The following DLC1 variants were observed in gnomAD, a reference collection of about 807,000 sequenced individuals.
DLC1 encodes the protein rho GTPase-activating protein 7.
In DLC1, 54 loss-of-function variants were observed where a neutral mutation model predicts 140.3. The ratio of observed to expected loss-of-function variants is 0.38; its 90% CI spans 0.31 to 0.48. The LOEUF (loss-of-function observed/expected upper bound fraction) is 0.48, where lower values mean the gene tolerates loss of function less well. Ranked by LOEUF, DLC1 falls within the 20% of genes least tolerant of loss-of-function variation. The pLI, the probability that DLC1 is intolerant of heterozygous loss-of-function variation, is 0.96. For missense variants in DLC1, 2,536 were observed against 1,907.0 expected (o/e 1.33, Z -6.14); for synonymous variants, 986 against 728.1 (o/e 1.35, Z -5.70).
At chr8:13,211,423 C>G (rs1365962392) in intron 5 of DLC1, among the ~76,000 whole-genome samples, 1 of 152,108 alleles carries the variant, frequency 6.6e-6, no homozygotes, top group African/African-American at 2.4e-5. Flanking sequence ...TACACTGTTG[C>G]TCTAATGAAC....
intron 4 of DLC1, chr8:13,340,623 GCTC>G (rs1345990548): frequency 1.4e-4 from 21 of 152,098 alleles, no homozygotes; most frequent in African/African-American, 5.1e-4. Flanking sequence ...GTAAATTTCT[GCTC>G]CTAATTTCCT....
At chr8:13,360,258 C>T (rs192370360) in intron 4 of DLC1, among the ~76,000 whole-genome samples, 49 of 152,276 alleles carry the variant, frequency 3.2e-4, no homozygotes, top group South Asian at 6.2e-4. Flanking sequence ...CTACACAGAA[C>T]GAACACTCAA....
rs1476568500 is a variant in DLC1 at position 13,505,058 on chromosome 8, A to G, written c.-125-4862T>C. 2.6e-5 allele frequency among the ~76,000 whole-genome samples: 4 copies of G among 152,212 alleles called. 1 individual carries two copies. The South Asian group carries it at 6.2e-4, about 24-fold the overall frequency. ...AATAAAGTCAAGCAATTTGGATGGA[A>G]GAATTATTAATAGTTATAGAGAACA... On this transcript the variant is annotated intron_variant, in intron 1 of 17. Coordinates refer to ENST00000276297, the MANE Select transcript of DLC1 (RefSeq NM_182643.3).
Position 13,393,611 on chromosome 8 carries a change from G to A in DLC1, c.1256C>T (p.Ser419Phe), listed in dbSNP as rs779777760. Residue 419 changes from serine (S) to phenylalanine (F), a missense_variant, in exon 4 of 18, where the codon TCC (serine) becomes TTC (phenylalanine). Physicochemically the swap from Ser to Phe is radical, Grantham distance 155. Transcript: ENST00000276297. ...TRVNLSSDTE[S>F]TDLPSSTPVA... ...TGGAGTGGAAGATGGGAGGTCCGTG[G>A]ACTCAGTGTCAGAAGACAAATTTAC... 1 of 1,614,154 alleles carries A rather than the reference G, an allele frequency of 6.2e-7. No individual in the cohort carries two copies. The highest frequency in any genetic ancestry group is 1.1e-5 in the South Asian group (1 of 91,074).
At chr8:13,158,733 TCCCCCCCCC>T (rs71207127) in intron 5 of DLC1, among the ~76,000 whole-genome samples, 1 of 58,984 alleles carries the variant, frequency 1.7e-5, no homozygotes, top group Admixed American at 2.0e-4. Context: ...ACCACCACCC[TCCCCCCCCC>T]CCCCCGCCCG....
At chr8:13,444,301 G>C (rs1028859910) in intron 2 of DLC1, among the ~76,000 whole-genome samples, 2 of 152,170 alleles carry the variant, frequency 1.3e-5, no homozygotes, top group African/African-American at 2.4e-5. Flanking sequence ...GGCCTGACCG[G>C]TGGTGCGGGT....
intron 1 of DLC1, among the ~76,000 whole-genome samples, chr8:13,595,378 GA>G (rs1480244540): frequency 6.6e-6 from 1 of 151,984 alleles, no homozygotes; most frequent in Non-Finnish European, 1.5e-5. Context: ...ATCTTTGCAT[GA>G]TGGAAATAAT....
At chr8:13,529,844 T>A (rs570379618) in intron 1 of DLC1, among the ~76,000 whole-genome samples, 156 of 152,284 alleles carry the variant, frequency 1.0e-3, no homozygotes, top group African/African-American at 3.7e-3. Context: ...AACAATATAT[T>A]TTTTTTCTAT....
At chr8:13,301,732 G>C (rs2117505602) in intron 5 of DLC1, among the ~76,000 whole-genome samples, 1 of 152,302 alleles carries the variant, frequency 6.6e-6, no homozygotes, top group African/African-American at 2.4e-5. Context: ...GCAGGAGATG[G>C]GCGGTGGGCA....
rs887492933 is a variant in DLC1 at position 13,155,808 on chromosome 8, G to T, written c.1349-40151C>A. On this transcript the variant is annotated intron_variant, in intron 5 of 17. Transcript: ENST00000276297. Reference sequence around the variant, plus strand: ...TAAAAGAACTCAGAGCTGTAGGTTGGTAGTAACTTTAACTGAATATATTCG... The same window carrying T: ...TAAAAGAACTCAGAGCTGTAGGTTGTTAGTAACTTTAACTGAATATATTCG... Among the ~76,000 whole-genome samples the T allele has an allele frequency of 2.0e-5, 3 of 152,134 alleles. No homozygotes were observed. In the South Asian group the frequency reaches 6.2e-4, roughly 31 times the overall value.
intron 1 of DLC1, among the ~76,000 whole-genome samples, chr8:13,535,570 C>T (rs1374424484): frequency 6.6e-6 from 1 of 150,610 alleles, no homozygotes; most frequent in Non-Finnish European, 1.5e-5. Flanking sequence ...ATAAAGTGAG[C>T]CTCAGGGACA....
chr8:13,306,881 C>G (rs938466622), intron 4 of DLC1, among the ~76,000 whole-genome samples: 2 of 151,414 alleles, frequency 1.3e-5, no homozygotes, highest in Admixed American at 1.3e-4. Flanking sequence ...GTCAGGAGAT[C>G]GAGACCAGCC....
chr8:13,243,622 T>C (rs1238644746), intron 5 of DLC1, among the ~76,000 whole-genome samples: 1 of 152,222 alleles, frequency 6.6e-6, no homozygotes, highest in Admixed American at 6.5e-5. Context: ...TTCTTCTTTT[T>C]TTCTAGATCT....
chr8:13,126,661 G>C (rs1821599358), intron 5 of DLC1, among the ~76,000 whole-genome samples: 1 of 151,876 alleles, frequency 6.6e-6, no homozygotes. Flanking sequence ...TATTATTCAA[G>C]GCAAAATATC....
intron 1 of DLC1, among the ~76,000 whole-genome samples, chr8:13,536,320 G>A (rs1056992051): frequency 1.3e-5 from 2 of 152,150 alleles, no homozygotes; most frequent in African/African-American, 2.4e-5. Context: ...AAAGGGAGTG[G>A]GGAAATCTAA....
intron 1 of DLC1, among the ~76,000 whole-genome samples, chr8:13,601,393 A>C (rs892042550): frequency 2.0e-5 from 3 of 151,822 alleles, no homozygotes; most frequent in Admixed American, 2.0e-4. Context: ...CTCATAAATA[A>C]TAGAACTTCT....
intron 4 of DLC1, among the ~76,000 whole-genome samples, chr8:13,347,121 C>T (rs1039622962): frequency 2.0e-5 from 3 of 152,148 alleles, no homozygotes; most frequent in African/African-American, 7.2e-5. Context: ...TTGGTACTAT[C>T]CGTAGTTTCA....
chr8:13,360,845 T>C (rs2049721), intron 4 of DLC1, among the ~76,000 whole-genome samples: 52,152 of 151,862 alleles, frequency 0.34, 9,980 homozygotes, highest in East Asian at 0.76. Context: ...ATGCTAATTG[T>C]TTTGCATGGC....
At chr8:13,317,259 G>C (rs1187986243) in intron 4 of DLC1, among the ~76,000 whole-genome samples, 1 of 152,190 alleles carries the variant, frequency 6.6e-6, no homozygotes, top group Non-Finnish European at 1.5e-5. Flanking sequence ...ACATAGATGG[G>C]AGGATAATTA....
Sources: gnomAD v4.1 joint callset for allele counts (sites outside exome capture counted in the v4.1 genomes callset) on GRCh38, gnomAD v4.1.1 for gene constraint, MANE v1.5 for transcripts, NCBI Gene and HGNC (gene_info 2026-07-23, HGNC 2026-07-21) for gene names.